SH3RF3: variants seen among roughly 807,000 people sequenced by gnomAD.
SH3RF3 encodes the protein SH3 domain containing ring finger 3.
Under a neutral mutation model 66.3 loss-of-function variants are expected in SH3RF3, and 29 were observed. The observed-to-expected ratio is 0.44, with a 90% confidence interval of 0.33 to 0.60. SH3RF3 has a LOEUF of 0.60. SH3RF3 is among the 20% of genes least tolerant of loss of function. SH3RF3 has a pLI of 0.04. For missense variants in SH3RF3, 1,194 were observed against 1,190.9 expected (o/e 1.00, Z -0.04); for synonymous variants, 583 against 532.0 (o/e 1.10, Z -1.32).
At chr2:109,480,583 G>C (rs1434255848) in intron 8 of SH3RF3, among the ~76,000 whole-genome samples, 1 of 152,212 alleles carries the variant, frequency 6.6e-6, no homozygotes, top group Non-Finnish European at 1.5e-5. Flanking sequence ...TCGCAGGGTA[G>C]AGGTCATCCC....
Position 109,501,740 on chromosome 2 carries a change from A to T in SH3RF3, c.*69A>T. The T allele has an allele frequency of 1.5e-6, 1 of 689,404 alleles. No individual in the cohort carries two copies. Among genetic ancestry groups the T allele is most frequent in the South Asian group, 1.5e-5 (1 of 64,828 alleles). The allele number at this position is 689,404 out of a possible 1,614,324, so 42.7% of individuals were successfully genotyped here. A position where few individuals can be genotyped will look rare whatever the true frequency, so the allele number is the denominator to read the frequency against. ...CTGGGAAGCTCCACGGCACACAGAG[A>T]GGGAGCCATGGCGCCCCAAGGGTTC... On this transcript the variant is annotated 3_prime_UTR_variant, in exon 10 of 10. Transcript: ENST00000309415.
chr2:109,172,809 G>C (rs560899521), intron 1 of SH3RF3, among the ~76,000 whole-genome samples: 4 of 152,356 alleles, frequency 2.6e-5, no homozygotes, highest in African/African-American at 9.6e-5. Flanking sequence ...AAGTTTCCCA[G>C]TGCCAGCACG....
intron 8 of SH3RF3, among the ~76,000 whole-genome samples, chr2:109,490,392 T>C (rs1371149168): frequency 2.0e-5 from 3 of 152,120 alleles, no homozygotes; most frequent in Non-Finnish European, 4.4e-5. Context: ...CCCTCACTGG[T>C]TCACCCGTGG....
intron 1 of SH3RF3, among the ~76,000 whole-genome samples, chr2:109,205,146 A>G (rs929659277): frequency 2.0e-5 from 3 of 152,200 alleles, no homozygotes; most frequent in East Asian, 1.9e-4. Context: ...GATTGAGGCT[A>G]CAATGAGCCA....
In SH3RF3 at chr2:109,371,486, A is replaced by G. The variant is rs951732077; in HGVS notation, c.850-100A>G. ...CACTCTTCTTGAACTCATTCCTTGGAATCTCTTCCGAGCCTCCACAGTACT... is the reference window on the plus strand; with the variant it reads ...CACTCTTCTTGAACTCATTCCTTGGGATCTCTTCCGAGCCTCCACAGTACT... On this transcript the variant is annotated intron_variant, in intron 2 of 9. Coordinates refer to ENST00000309415, the MANE Select transcript of SH3RF3 (RefSeq NM_001099289.3). The G allele has an allele frequency of 4.1e-5, 37 of 899,674 alleles. No individual in the cohort carries two copies. The African/African-American group carries it at 4.7e-4, about 12-fold the overall frequency. The allele number at this position is 899,674 out of a possible 1,614,324, so 55.7% of individuals were successfully genotyped here. A position where few individuals can be genotyped will look rare whatever the true frequency, so the allele number is the denominator to read the frequency against.
intron 8 of SH3RF3, among the ~76,000 whole-genome samples, chr2:109,481,516 C>T (rs1314662337): frequency 2.0e-5 from 3 of 151,962 alleles, no homozygotes; most frequent in South Asian, 2.1e-4. Context: ...TGTTATTGCT[C>T]GGGAAGTTTC....
intron 1 of SH3RF3, among the ~76,000 whole-genome samples, chr2:109,341,303 G>A (rs1024449556): frequency 5.9e-5 from 9 of 152,112 alleles, no homozygotes; most frequent in East Asian, 1.9e-4. Context: ...TCTTCATCGC[G>A]GATTAAATCT....
intron 4 of SH3RF3, among the ~76,000 whole-genome samples, chr2:109,411,150 C>G (rs1676576966): frequency 2.0e-5 from 3 of 152,204 alleles, no homozygotes; most frequent in Admixed American, 2.0e-4. Context: ...TCCCTGGTGT[C>G]ACAGTCAGCA....
intron 7 of SH3RF3, among the ~76,000 whole-genome samples, chr2:109,445,744 G>A (rs987882276): frequency 5.3e-5 from 8 of 152,070 alleles, no homozygotes; most frequent in African/African-American, 1.7e-4. Flanking sequence ...GAGGGGTGTG[G>A]GGAAGTAGAG....
chr2:109,199,358 T>TCAACC (rs1678587242), intron 1 of SH3RF3, among the ~76,000 whole-genome samples: 1 of 2,530 alleles, frequency 4.0e-4, no homozygotes, highest in African/African-American at 9.5e-4. Flanking sequence ...TGGAATGGAA[T>TCAACC]GGAATGGAAT....
chr2:109,217,128 A>AT (rs1679116805), intron 1 of SH3RF3, among the ~76,000 whole-genome samples: 1 of 152,122 alleles, frequency 6.6e-6, no homozygotes, highest in Admixed American at 6.5e-5. Context: ...TTAAGGCTAA[A>AT]TCCTATTCCA....
chr2:109,324,926 G>A (rs552403009), intron 1 of SH3RF3, among the ~76,000 whole-genome samples: 1 of 152,282 alleles, frequency 6.6e-6, no homozygotes, highest in Admixed American at 6.5e-5. Flanking sequence ...CTCTCCTCTT[G>A]CCATTCCTAT....
At chr2:109,303,891 A>G (rs901460460) in intron 1 of SH3RF3, among the ~76,000 whole-genome samples, 2 of 152,064 alleles carry the variant, frequency 1.3e-5, no homozygotes, top group Non-Finnish European at 2.9e-5. Context: ...TAACATTGTT[A>G]TTATTTTTGG....
chr2:109,187,127 G>C (rs553670109), intron 1 of SH3RF3, among the ~76,000 whole-genome samples: 1 of 149,786 alleles, frequency 6.7e-6, no homozygotes, highest in Non-Finnish European at 1.5e-5. Flanking sequence ...GCCACAGGGT[G>C]AGGGACACAG....
intron 1 of SH3RF3, among the ~76,000 whole-genome samples, chr2:109,314,999 T>C (rs1343142788): frequency 1.3e-5 from 2 of 152,214 alleles, no homozygotes; most frequent in Non-Finnish European, 2.9e-5. Context: ...AGAGCTGCAC[T>C]GTCCCATAAG....
intron 1 of SH3RF3, among the ~76,000 whole-genome samples, chr2:109,316,526 C>T (rs914659093): frequency 6.6e-6 from 1 of 152,194 alleles, no homozygotes; most frequent in African/African-American, 2.4e-5. Flanking sequence ...GAGATTTCCT[C>T]TGCTTTTCTG....
chr2:109,189,225 G>A (rs2105015030), intron 1 of SH3RF3, among the ~76,000 whole-genome samples: 1 of 152,024 alleles, frequency 6.6e-6, no homozygotes, highest in South Asian at 2.1e-4. Flanking sequence ...GCTCTGGTGT[G>A]TTCAGAAGGA....
rs193246071 is a variant in SH3RF3, at chr2:109,402,117, C to A, written c.1299+3174C>A. The stretch of plus-strand genomic sequence containing the variant: ...GTGTGAGCTGTGTATGCTGCCCCTG[C>A]GGGCTCCAGTGTGCTGCTATGGTCT... On this transcript the variant is annotated intron_variant, in intron 4 of 9. Coordinates refer to ENST00000309415, the MANE Select transcript of SH3RF3 (RefSeq NM_001099289.3). Among the ~76,000 whole-genome samples the A allele has an allele frequency of 3.5e-3, 526 of 152,342 alleles. 6 individuals carry two copies. The highest frequency in any genetic ancestry group is 0.011 in the African/African-American group (477 of 41,594).
intron 1 of SH3RF3, among the ~76,000 whole-genome samples, chr2:109,317,584 A>G (rs1337073433): frequency 6.6e-6 from 1 of 152,130 alleles, no homozygotes; most frequent in Non-Finnish European, 1.5e-5. Context: ...CTTCTGAGGT[A>G]CAGAACAGTC....
Sources: gnomAD v4.1 joint callset for allele counts (sites outside exome capture counted in the v4.1 genomes callset) on GRCh38, gnomAD v4.1.1 for gene constraint, MANE v1.5 for transcripts, NCBI Gene and HGNC (gene_info 2026-07-23, HGNC 2026-07-21) for gene names.